The following NCS1 variants were observed in gnomAD, a reference collection of about 807,000 sequenced individuals.
The protein encoded by NCS1 is neuronal calcium sensor 1.
In NCS1, 6 loss-of-function variants were observed where a neutral mutation model predicts 28.4. The ratio of observed to expected loss-of-function variants is 0.21; its 90% CI spans 0.12 to 0.42. The LOEUF is 0.42. Ranked by LOEUF, NCS1 falls within the 10% of genes least tolerant of loss-of-function variation. NCS1 has a pLI of 1.00. For synonymous variants in NCS1, 86 were observed against 99.3 expected (o/e 0.87, Z 0.79); for missense variants, 131 against 241.4 (o/e 0.54, Z 3.03).
chr9:130,194,361 G>A (rs557439443), intron 1 of NCS1, among the ~76,000 whole-genome samples: 1 of 151,502 alleles, frequency 6.6e-6, no homozygotes, highest in African/African-American at 2.5e-5. Flanking sequence ...GGCACCGCGG[G>A]TGCTTCCTGG....
In NCS1 at chr9:130,181,462, TG is replaced by T. The variant is rs1324846933; in HGVS notation, c.64+8737del. 6.6e-6 allele frequency among the ~76,000 whole-genome samples: 1 copy of T among 152,012 alleles called. No homozygotes were observed. The highest frequency in any genetic ancestry group is 2.4e-5 in the African/African-American group (1 of 41,352). On this transcript the variant is annotated intron_variant, in intron 1 of 7. Coordinates refer to ENST00000372398, the MANE Select transcript of NCS1 (RefSeq NM_014286.4). This position sits in a 1 kb window ranked among gnomAD's most constrained non-coding sequence, Gnocchi z 5.0. Reference sequence around the variant, plus strand: ...GTTCCGTGTGACCCAGGCCTGTCCTTGGTGTTCACGTGTGTTCCTCACCAAT... The same window carrying T: ...GTTCCGTGTGACCCAGGCCTGTCCTTGTGTTCACGTGTGTTCCTCACCAAT...
chr9:130,231,622 G>A (rs1300539607), intron 7 of NCS1, among the ~76,000 whole-genome samples: 1 of 152,078 alleles, frequency 6.6e-6, no homozygotes, highest in African/African-American at 2.4e-5. Context: ...GAACTCAGGT[G>A]ATCCGCGTAC....
At chr9:130,220,753 CTT>C (rs58649256) in intron 4 of NCS1, among the ~76,000 whole-genome samples, 5 of 143,160 alleles carry the variant, frequency 3.5e-5, no homozygotes, top group African/African-American at 5.1e-5. Flanking sequence ...TTCTTTCTTT[CTT>C]TTTTTTTTTT....
chr9:130,225,784 T>C (rs1554911296), intron 6 of NCS1, among the ~76,000 whole-genome samples: 1 of 152,242 alleles, frequency 6.6e-6, no homozygotes, highest in Non-Finnish European at 1.5e-5. Context: ...TTACCCTCTC[T>C]GGATACCCGA....
intron 2 of NCS1, among the ~76,000 whole-genome samples, chr9:130,203,138 T>TATATATA (rs1564708297): frequency 4.9e-5 from 3 of 61,416 alleles, no homozygotes; most frequent in African/African-American, 1.2e-4. Flanking sequence ...ATATATATAT[T>TATATATA]TTTTTTTTTT....
At chr9:130,211,010 A>T (rs201274157) in intron 2 of NCS1, among the ~76,000 whole-genome samples, 6 of 92,388 alleles carry the variant, frequency 6.5e-5, no homozygotes, top group African/African-American at 8.8e-5. Flanking sequence ...GGCTCCACTA[A>T]TTTTTTTTTT....
Position 130,219,816 on chromosome 9 carries a change from C to T in NCS1, c.307+13C>T, listed in dbSNP as rs1554909977. The T allele has an allele frequency of 6.2e-7, 1 of 1,613,954 alleles. No homozygotes were observed. The highest frequency in any genetic ancestry group is 8.5e-7 in the Non-Finnish European group (1 of 1,179,844). ...GAGAAGCTACGGTGTAAGTCCTGCC[C>T]CCTTGGCCCTGTGTGGCAGCAGCTG... On this transcript the variant is annotated intron_variant, in intron 4 of 7. Transcript: ENST00000372398. This position sits in a 1 kb window ranked among gnomAD's most constrained non-coding sequence, Gnocchi z 5.7.
Position 130,181,298 on chromosome 9 carries a change from C to T in NCS1, c.64+8571C>T, listed in dbSNP as rs1292684928. On this transcript the variant is annotated intron_variant, in intron 1 of 7. Coordinates refer to ENST00000372398, the MANE Select transcript of NCS1 (RefSeq NM_014286.4). The surrounding 1 kb of genome is among the most constrained non-coding windows in gnomAD (Gnocchi z 5.0). ...GACTTCTACTACACAGAGCCGTGTG[C>T]GGGGTTAGGAATAACAGACGTTGAA... Among the ~76,000 whole-genome samples, 3 of 151,988 alleles carry T rather than the reference C, an allele frequency of 2.0e-5. No individual in the cohort carries two copies. The highest frequency in any genetic ancestry group is 2.1e-4 in the South Asian group (1 of 4,824).
At position 130,180,185 on chromosome 9, in the gene NCS1, C is replaced by T. The variant is rs115656093; in HGVS notation, c.64+7458C>T. ...GAGTAGCTCGTATTAGAATGTGCAC[C>T]ACCACACCTGGCTAATTTTTGTATT... On this transcript the variant is annotated intron_variant, in intron 1 of 7. Transcript: ENST00000372398. This position sits in a 1 kb window ranked among gnomAD's most constrained non-coding sequence, Gnocchi z 4.5. Among the ~76,000 whole-genome samples the T allele has an allele frequency of 9.9e-3, 1,506 of 152,208 alleles. 23 individuals are homozygous for T. Among genetic ancestry groups the T allele is most frequent in the African/African-American group, 0.035 (1,435 of 41,526 alleles).
chr9:130,211,008 T>A (rs1482488800), intron 2 of NCS1, among the ~76,000 whole-genome samples: 1 of 79,674 alleles, frequency 1.3e-5, no homozygotes, highest in Non-Finnish European at 2.3e-5. Flanking sequence ...CCGGCTCCAC[T>A]AATTTTTTTT....
At chr9:130,222,045 AAAT>A (rs1833331331) in intron 4 of NCS1, among the ~76,000 whole-genome samples, 1 of 14,728 alleles carries the variant, frequency 6.8e-5, no homozygotes, top group South Asian at 2.0e-3. Context: ...ATGTATCTAT[AAAT>A]ATATATACAT....
chr9:130,172,443 G>C lies in NCS1; in HGVS notation c.-221G>C, dbSNP rs1832491374. 6.9e-6 allele frequency: 1 copy of C among 145,040 alleles called. No individual in the cohort carries two copies. Among genetic ancestry groups the C allele is most frequent in the South Asian group, 2.1e-4 (1 of 4,776 alleles). 9.0% of individuals were successfully genotyped at this position (145,040 alleles called of 1,614,324 possible). ...ACCGCGGCCACACCGCGCCGGCGCCGGCGCCCAGCCCAGGCAGCCCCGCGC... is the reference window on the plus strand; with the variant it reads ...ACCGCGGCCACACCGCGCCGGCGCCCGCGCCCAGCCCAGGCAGCCCCGCGC... On this transcript the variant is annotated 5_prime_UTR_variant, in exon 1 of 8. Coordinates refer to ENST00000372398, the MANE Select transcript of NCS1 (RefSeq NM_014286.4).
At position 130,216,898 on chromosome 9, in the gene NCS1, C is replaced by T. The variant is rs999727200; in HGVS notation, c.90-934C>T. Reference sequence around the variant, plus strand: ...GGAAGGAATCGTCCTCTGAGGAGTGCGTGTCCTCCTGGGGGTGGGGCGGGA... The same window carrying T: ...GGAAGGAATCGTCCTCTGAGGAGTGTGTGTCCTCCTGGGGGTGGGGCGGGA... On this transcript the variant is annotated intron_variant, in intron 2 of 7. Coordinates refer to ENST00000372398, the MANE Select transcript of NCS1 (RefSeq NM_014286.4). Among the ~76,000 whole-genome samples the T allele has an allele frequency of 2.2e-5, 3 of 133,882 alleles. No homozygotes were observed. The South Asian group carries it at 8.3e-4, about 37-fold the overall frequency. 87.8% of individuals were successfully genotyped at this position (133,882 alleles called of 152,430 possible).
In NCS1 at chr9:130,232,137, G is replaced by A. The variant is rs1232142834; in HGVS notation, c.*18-853G>A. On this transcript the variant is annotated intron_variant, in intron 7 of 7. Coordinates refer to ENST00000372398, the MANE Select transcript of NCS1 (RefSeq NM_014286.4). This position sits in a 1 kb window ranked among gnomAD's most constrained non-coding sequence, Gnocchi z 4.4. Reference sequence around the variant, plus strand: ...AATTTTTGTATTTTTGGTAGAGACCGGGTTTCACTGTGTTGGCCAAGCTGG... The same window carrying A: ...AATTTTTGTATTTTTGGTAGAGACCAGGTTTCACTGTGTTGGCCAAGCTGG... Among the ~76,000 whole-genome samples, 2 of 152,082 alleles carry A rather than the reference G, an allele frequency of 1.3e-5. No individual in the cohort carries two copies. Among genetic ancestry groups the A allele is most frequent in the African/African-American group, 2.4e-5 (1 of 41,426 alleles).
rs1438077688 is a variant in NCS1 at position 130,177,531 on chromosome 9, G to T, written c.64+4804G>T. Among the ~76,000 whole-genome samples the T allele has an allele frequency of 6.6e-6, 1 of 152,214 alleles. No homozygotes were observed. The highest frequency in any genetic ancestry group is 1.5e-5 in the Non-Finnish European group (1 of 68,038). The stretch of plus-strand genomic sequence containing the variant: ...CGTGTGCGTGGGCATGAACCAAGGA[G>T]GCCTTTCCTTTCTCTGACAGTGGAG... On this transcript the variant is annotated intron_variant, in intron 1 of 7. Coordinates refer to ENST00000372398, the MANE Select transcript of NCS1 (RefSeq NM_014286.4). The surrounding 1 kb of genome is among the most constrained non-coding windows in gnomAD (Gnocchi z 4.4).
chr9:130,184,439 T>C (rs1315294147), intron 1 of NCS1, among the ~76,000 whole-genome samples: 1 of 151,950 alleles, frequency 6.6e-6, no homozygotes, highest in Non-Finnish European at 1.5e-5. Context: ...TGGATGGCAT[T>C]CATGCGAAAA....
chr9:130,199,091 T>G (rs1832909920), intron 1 of NCS1, among the ~76,000 whole-genome samples: 1 of 86,554 alleles, frequency 1.2e-5, no homozygotes, highest in South Asian at 5.8e-4. Context: ...TCTCTTTCTC[T>G]CTTTCTCTTT....
At chr9:130,194,115 C>G (rs1405243579) in intron 1 of NCS1, among the ~76,000 whole-genome samples, 1 of 152,190 alleles carries the variant, frequency 6.6e-6, no homozygotes, top group Admixed American at 6.5e-5. Context: ...AAGCCAGCGC[C>G]GGGAGGGGGC....
In NCS1 at chr9:130,236,186, T is replaced by A. The variant is rs1554913048; in HGVS notation, c.*3214T>A. 1 of 152,246 alleles carries A rather than the reference T, an allele frequency of 6.6e-6. No individual in the cohort carries two copies. Among genetic ancestry groups the A allele is most frequent in the African/African-American group, 2.4e-5 (1 of 41,464 alleles). 9.4% of individuals were successfully genotyped at this position (152,246 alleles called of 1,614,324 possible). ...GAGGGGGTTGGTGGGGAGGTCGGGA[T>A]GCCTGGGATCCCTTCCTGGAGAGGC... On this transcript the variant is annotated 3_prime_UTR_variant, in exon 8 of 8. Coordinates refer to ENST00000372398, the MANE Select transcript of NCS1 (RefSeq NM_014286.4).
Sources: allele counts gnomAD v4.1 joint callset (sites outside exome capture counted in the v4.1 genomes callset), GRCh38; gene constraint gnomAD v4.1.1; non-coding constraint Gnocchi (gnomAD v3.1); transcripts MANE v1.5; gene names NCBI Gene and HGNC (gene_info 2026-07-23, HGNC 2026-07-21).